Variants in KL observed in about 807,000 individuals in gnomAD.
The protein encoded by KL is klotho, also known as alpha-klotho.
Under a neutral mutation model 84.2 loss-of-function variants are expected in KL, and 62 were observed. The observed-to-expected ratio is 0.74, with a 90% CI of 0.60 to 0.91. The LOEUF (loss-of-function observed/expected upper bound fraction) is 0.91, where lower values mean the gene tolerates loss of function less well. Among genes scored for constraint, KL ranks in the 40% least tolerant of loss-of-function variants. KL has a pLI of 0.00. For synonymous variants in KL, 528 were observed against 528.0 expected, an observed-to-expected ratio of 1.00 and a Z score of 0.00; for missense variants, 1,261 against 1,305.7, an observed-to-expected ratio of 0.97 and a Z score of 0.53.
chr13:33,032,919 T>A (rs1246852205), intron 1 of KL, among the ~76,000 whole-genome samples: 1 of 152,060 alleles, frequency 6.6e-6, no homozygotes, highest in Non-Finnish European at 1.5e-5. Flanking sequence ...CAAGAAAGAA[T>A]CTTTCCTTCC....
chr13:33,053,147 G>C (rs551921055), intron 1 of KL, among the ~76,000 whole-genome samples: 1 of 152,324 alleles, frequency 6.6e-6, no homozygotes, highest in African/African-American at 2.4e-5. Flanking sequence ...CCCTGGGTCT[G>C]TGGGAAACCA....
intron 3 of KL, 121 bp downstream of exon 3, chr13:33,055,436 T>A: frequency 7.9e-7 from 1 of 1,261,524 alleles, no homozygotes; most frequent in Non-Finnish European, 1.1e-6. Context: ...AAACAATTCC[T>A]TATGAGTACA....
chr13:33,018,755 G>C (rs12868892), intron 1 of KL, among the ~76,000 whole-genome samples: 1 of 152,132 alleles, frequency 6.6e-6, no homozygotes, highest in Non-Finnish European at 1.5e-5. Context: ...AAATGGATCA[G>C]CTGGAGGATC....
intron 1 of KL, among the ~76,000 whole-genome samples, chr13:33,017,807 C>G (rs1296319299): frequency 6.6e-6 from 1 of 152,176 alleles, no homozygotes; most frequent in Non-Finnish European, 1.5e-5. Flanking sequence ...TGCGGCAGGG[C>G]AGGGAACTGC....
chr13:33,047,961 A>G (rs1871598944), intron 1 of KL, among the ~76,000 whole-genome samples: 1 of 151,650 alleles, frequency 6.6e-6, no homozygotes, highest in South Asian at 2.1e-4. Context: ...CAGTTCTAGA[A>G]TTTTCATGTT....
Position 33,061,761 on chromosome 13 carries a change from C to T in KL, c.2682C>T (p.Tyr894=), listed in dbSNP as rs144132270. The T allele has an allele frequency of 2.2e-4, 363 of 1,613,690 alleles. No homozygotes were observed. The highest frequency in any genetic ancestry group is 2.8e-4 in the Non-Finnish European group (331 of 1,180,044). The change falls in exon 4 of 5, where the codon TAC becomes TAT. Residue 894 remains tyrosine (Y), a synonymous_variant. Coordinates refer to ENST00000380099, the MANE Select transcript of KL (RefSeq NM_004795.4). The stretch of plus-strand genomic sequence containing the variant: ...TGAGGGTGTATTATATGCAGAATTA[C>T]ATAAACGAAGCTCTCAAAGGTAAGG... The part of the protein sequence containing the change: ...DQLRVYYMQN[Y]INEALKAHIL...
intron 1 of KL, among the ~76,000 whole-genome samples, chr13:33,041,912 C>T (rs767819548): frequency 1.3e-5 from 2 of 152,178 alleles, no homozygotes; most frequent in Non-Finnish European, 2.9e-5. Flanking sequence ...CTGTTACCTT[C>T]TATCCTTTCT....
In KL at chr13:33,051,248, C is replaced by T. The variant is rs371361613; in HGVS notation, c.820-2519C>T. Among the ~76,000 whole-genome samples the T allele has an allele frequency of 4.6e-5, 7 of 152,198 alleles. No homozygotes were observed. In the South Asian group the frequency reaches 1.0e-3, roughly 23 times the overall value. On this transcript the variant is annotated intron_variant, in intron 1 of 4. Coordinates refer to ENST00000380099, the MANE Select transcript of KL (RefSeq NM_004795.4). ...AGGAATGTGGCCAACTCAAGAGTGACGAAGGCCAGGTGCGGTGGCTCATGC... is the reference window on the plus strand; with the variant it reads ...AGGAATGTGGCCAACTCAAGAGTGATGAAGGCCAGGTGCGGTGGCTCATGC...
At chr13:33,021,091 A>G (rs1280834334) in intron 1 of KL, among the ~76,000 whole-genome samples, 1 of 152,118 alleles carries the variant, frequency 6.6e-6, no homozygotes, top group Admixed American at 6.5e-5. Flanking sequence ...CTTCATCTGT[A>G]TCTCTGAAAA....
chr13:33,016,587 TG>T lies in KL; in HGVS notation c.148del (p.Ala50ProfsTer75). On this transcript the variant is annotated frameshift_variant, in exon 1 of 5. Transcript: ENST00000380099. LOFTEE classifies it high-confidence loss of function. ...CCTGGGCCCGTTTCTCGCGGCCTCC[TG>T]CCCCCGAGGCCGCGGGCCTCTTCCA... ...QTWARFSRPP[A>X]PEAAGLFQGT... 1 of 1,495,710 alleles carries T rather than the reference TG, an allele frequency of 6.7e-7. No homozygotes were observed. Among genetic ancestry groups the T allele is most frequent in the African/African-American group, 1.4e-5 (1 of 70,292 alleles). The allele number at this position is 1,495,710 out of a possible 1,614,324, so 92.7% of individuals were successfully genotyped here. A position where few individuals can be genotyped will look rare whatever the true frequency, so the allele number is the denominator to read the frequency against.
In KL at chr13:33,063,927, T is replaced by C. The variant is rs1315784280; in HGVS notation, c.2780T>C (p.Leu927Pro). Residue 927 changes from leucine to proline, a missense_variant, in exon 5 of 5, where the codon CTC (leucine) becomes CCC (proline). Physicochemically the swap from Leu to Pro is moderately conservative, Grantham distance 98. Coordinates refer to ENST00000380099, the MANE Select transcript of KL (RefSeq NM_004795.4). ...GACCGCACAGCTCCGAGGTTTGGCC[T>C]CTATCGTTATGCTGCAGATCAGTTT... ...FNDRTAPRFG[L>P]YRYAADQFEP... is the part of the protein sequence containing the mutation. 1 of 1,614,204 alleles carries C rather than the reference T, an allele frequency of 6.2e-7. No homozygotes were observed. Among genetic ancestry groups the C allele is most frequent in the Non-Finnish European group, 8.5e-7 (1 of 1,180,022 alleles).
intron 3 of KL, among the ~76,000 whole-genome samples, chr13:33,055,704 G>C (rs1871932700): frequency 6.6e-6 from 1 of 152,192 alleles, no homozygotes; most frequent in Non-Finnish European, 1.5e-5. Flanking sequence ...TGAGACTGAG[G>C]CAGGAACATT....
chr13:33,028,056 A>G lies in KL; in HGVS notation c.819+10797A>G, dbSNP rs1870842196. On this transcript the variant is annotated intron_variant, in intron 1 of 4. Coordinates refer to ENST00000380099, the MANE Select transcript of KL (RefSeq NM_004795.4). ...GTGGGTCTCAGAACAACCCAGGCATAGGCTGATGGGGACGCCTTGAGCCAA... is the reference window on the plus strand; with the variant it reads ...GTGGGTCTCAGAACAACCCAGGCATGGGCTGATGGGGACGCCTTGAGCCAA... Among the ~76,000 whole-genome samples the G allele has an allele frequency of 2.0e-5, 3 of 152,230 alleles. No homozygotes were observed. In the South Asian group the frequency reaches 6.2e-4, roughly 31 times the overall value.
chr13:33,061,330 A>G lies in KL; in HGVS notation c.2251A>G (p.Arg751Gly), dbSNP rs373177691. 7.5e-5 allele frequency: 121 copies of G among 1,614,000 alleles called. No individual in the cohort carries two copies. Among genetic ancestry groups the G allele is most frequent in the Non-Finnish European group, 9.7e-5 (115 of 1,180,024 alleles). ...CCAAAAGGACAAAGAGGTGGCTGAG[A>G]GAGTTTTGGAATTTGACATTGGCTG... ...FSQKDKEVAERVLEFDIGWLA... is the reference protein window; with the variant it reads ...FSQKDKEVAEGVLEFDIGWLA... Residue 751 changes from arginine (R) to glycine (G), a missense_variant, in exon 4 of 5, where the codon AGA becomes GGA. Arg to Gly is a moderately radical substitution (Grantham distance 125). Transcript: ENST00000380099.
chr13:33,064,494 A>C lies in KL; in HGVS notation c.*308A>C, dbSNP rs1872333643. 2 of 304,094 alleles carry C rather than the reference A, an allele frequency of 6.6e-6. No individual in the cohort carries two copies. The highest frequency in any genetic ancestry group is 1.2e-5 in the Non-Finnish European group (2 of 162,026). The allele number at this position is 304,094 out of a possible 1,614,324, so 18.8% of individuals were successfully genotyped here. On this transcript the variant is annotated 3_prime_UTR_variant, in exon 5 of 5. Coordinates refer to ENST00000380099, the MANE Select transcript of KL (RefSeq NM_004795.4). The stretch of plus-strand genomic sequence containing the variant: ...CACACCAATGCAACATTTGTGCAGA[A>C]ATTTGAATGACAAGATTAGGAATAT...
Position 33,055,324 on chromosome 13 carries a change from G to A in KL, c.1599+9G>A. The A allele has an allele frequency of 6.2e-7, 1 of 1,614,150 alleles. No individual in the cohort carries two copies. The highest frequency in any genetic ancestry group is 8.5e-7 in the Non-Finnish European group (1 of 1,180,040). ...TTGACAACTACATTCAAGTAAGTCA[G>A]CTGACAAAACCAATCAGCAGTCTCA... On this transcript the variant is annotated intron_variant, in intron 3 of 4. Coordinates refer to ENST00000380099, the MANE Select transcript of KL (RefSeq NM_004795.4).
chr13:33,060,646 AGGT>A, intron 3 of KL, 30 bp from the exon 4 acceptor site: 1 of 1,613,924 alleles, frequency 6.2e-7, no homozygotes, highest in South Asian at 1.1e-5. Context: ...AGGACTGCCC[AGGT>A]GACGCTAATG....
At chr13:33,035,819 T>C (rs575654832) in intron 1 of KL, among the ~76,000 whole-genome samples, 2 of 152,338 alleles carry the variant, frequency 1.3e-5, no homozygotes, top group East Asian at 3.9e-4. Flanking sequence ...TGATTTAGTA[T>C]TGAATAGAAT....
intron 1 of KL, among the ~76,000 whole-genome samples, chr13:33,046,745 C>CT (rs750467289): frequency 0.31 from 40,507 of 128,812 alleles, 6,907 homozygotes; most frequent in Middle Eastern, 0.48. Context: ...TGAGATATAT[C>CT]TTGTTTTTTT....
Sources: allele counts gnomAD v4.1 joint callset (sites outside exome capture counted in the v4.1 genomes callset), GRCh38; gene constraint gnomAD v4.1.1; transcripts MANE v1.5; gene names NCBI Gene and HGNC (gene_info 2026-07-23, HGNC 2026-07-21).